Variants in GFPT2 observed in about 807,000 individuals in gnomAD.
GFPT2 encodes the protein glutamine--fructose-6-phosphate transaminase 2.
GFPT2 carries 62 observed loss-of-function variants against 85.6 expected under a neutral mutation model. That is an observed-to-expected ratio of 0.72 (90% confidence interval 0.59 to 0.90). GFPT2 has a LOEUF of 0.90. GFPT2 is among the 40% of genes least tolerant of loss of function. GFPT2 has a pLI of 0.00. For missense variants in GFPT2, 788 were observed against 893.4 expected, an observed-to-expected ratio of 0.88 and a Z score of 1.50; for synonymous variants, 368 against 344.5, an observed-to-expected ratio of 1.07 and a Z score of -0.75.
chr5:180,301,304 T>C lies in GFPT2; in HGVS notation c.*260A>G, dbSNP rs1432406896. On this transcript the variant is annotated 3_prime_UTR_variant, in exon 19 of 19. Transcript: ENST00000253778. The stretch of plus-strand genomic sequence containing the variant: ...ACTCTGAAGAGAGCTGTATCTCTAT[T>C]GCACAGTAGTGGAGAAGTCTGCTCT... The C allele has an allele frequency of 1.8e-6, 1 of 542,068 alleles. No homozygotes were observed. Among genetic ancestry groups the C allele is most frequent in the Admixed American group, 3.5e-5 (1 of 28,444 alleles). 33.6% of individuals were successfully genotyped at this position (542,068 alleles called of 1,614,324 possible). A position where few individuals can be genotyped will look rare whatever the true frequency, so the allele number is the denominator to read the frequency against.
intron 17 of GFPT2, among the ~76,000 whole-genome samples, chr5:180,303,522 A>AT (rs1361541155): frequency 6.6e-6 from 1 of 152,218 alleles, no homozygotes; most frequent in African/African-American, 2.4e-5. Context: ...AAAGGGCCAG[A>AT]TAACGCAGGA....
chr5:180,343,285 G>A (rs1470033318), intron 1 of GFPT2, among the ~76,000 whole-genome samples: 2 of 152,192 alleles, frequency 1.3e-5, no homozygotes, highest in Non-Finnish European at 1.5e-5. Flanking sequence ...CACGTCAGGC[G>A]AGAACGTTCG....
At position 180,353,274 on chromosome 5, in the gene GFPT2, G is replaced by A. The variant is rs1764753893; in HGVS notation, c.-57C>T. The A allele has an allele frequency of 1.6e-6, 2 of 1,231,716 alleles. No homozygotes were observed. Among genetic ancestry groups the A allele is most frequent in the African/African-American group, 1.6e-5 (1 of 64,010 alleles). 76.3% of individuals were successfully genotyped at this position (1,231,716 alleles called of 1,614,324 possible). A position where few individuals can be genotyped will look rare whatever the true frequency, so the allele number is the denominator to read the frequency against. ...GAGGGGGTCTGCCCGTTCGGACGCT[G>A]GGGCTCCTCCGTGGGCTCCTCCGTG... is the stretch of plus-strand genomic sequence containing the variant. On this transcript the variant is annotated 5_prime_UTR_variant, in exon 1 of 19. Coordinates refer to ENST00000253778, the MANE Select transcript of GFPT2 (RefSeq NM_005110.4).
rs994486228 is a variant in GFPT2 at position 180,332,324 on chromosome 5, C to T, written c.341-771G>A. ...CACTGCATTTTCTCAATGAATAGCCCGCATATGAGTGCCTTGAGGGAAAGA... is the reference window on the plus strand; with the variant it reads ...CACTGCATTTTCTCAATGAATAGCCTGCATATGAGTGCCTTGAGGGAAAGA... On this transcript the variant is annotated intron_variant, in intron 4 of 18. Coordinates refer to ENST00000253778, the MANE Select transcript of GFPT2 (RefSeq NM_005110.4). Among the ~76,000 whole-genome samples the T allele has an allele frequency of 5.9e-5, 9 of 152,218 alleles. No individual in the cohort carries two copies. In the East Asian group the frequency reaches 7.8e-4, roughly 13 times the overall value.
intron 3 of GFPT2, 59 bp from the exon 4 acceptor site, chr5:180,336,012 T>A: frequency 6.7e-7 from 1 of 1,494,044 alleles, no homozygotes; most frequent in Non-Finnish European, 8.9e-7. Context: ...CCCAGGACTG[T>A]GAGTGCAACC....
chr5:180,310,574 C>A (rs966305811), intron 15 of GFPT2, among the ~76,000 whole-genome samples: 4 of 151,886 alleles, frequency 2.6e-5, no homozygotes, highest in African/African-American at 9.7e-5. Flanking sequence ...CCACATCCAG[C>A]TGCTTTTTGT....
At position 180,353,317 on chromosome 5, in the gene GFPT2, G is replaced by A. The variant is rs1403968998; in HGVS notation, c.-100C>T. The A allele has an allele frequency of 2.2e-6, 2 of 893,030 alleles. No individual in the cohort carries two copies. The highest frequency in any genetic ancestry group is 1.2e-4 in the South Asian group (2 of 17,312). 55.3% of individuals were successfully genotyped at this position (893,030 alleles called of 1,614,324 possible). Reference sequence around the variant, plus strand: ...CCTCCGTGGGCTCCGTGGGCTCCGTGGGCTCCGCGGGCTCCAGCTCCCGTC... The same window carrying A: ...CCTCCGTGGGCTCCGTGGGCTCCGTAGGCTCCGCGGGCTCCAGCTCCCGTC... On this transcript the variant is annotated 5_prime_UTR_variant, in exon 1 of 19. Coordinates refer to ENST00000253778, the MANE Select transcript of GFPT2 (RefSeq NM_005110.4).
At chr5:180,315,966 C>T (rs1215190739) in intron 13 of GFPT2, among the ~76,000 whole-genome samples, 1 of 152,218 alleles carries the variant, frequency 6.6e-6, no homozygotes, top group Non-Finnish European at 1.5e-5. Context: ...TGACTCTCAA[C>T]CTAACAAAAT....
chr5:180,304,728 G>A, intron 17 of GFPT2, 44 bp downstream of exon 17: 2 of 1,559,050 alleles, frequency 1.3e-6, no homozygotes, highest in South Asian at 2.3e-5. Flanking sequence ...CATGCATGGG[G>A]AAAAGCAGGA....
intron 10 of GFPT2, among the ~76,000 whole-genome samples, chr5:180,317,566 C>T (rs112178315): frequency 0.14 from 20,559 of 145,744 alleles, 1,776 homozygotes; most frequent in East Asian, 0.23. Flanking sequence ...GAGACCATCC[C>T]GGCTAAAACA....
In GFPT2 at chr5:180,330,962, G is replaced by C; in HGVS notation, c.400-128C>G. On this transcript the variant is annotated intron_variant, in intron 5 of 18. Coordinates refer to ENST00000253778, the MANE Select transcript of GFPT2 (RefSeq NM_005110.4). This position sits in a 1 kb window ranked among gnomAD's most constrained non-coding sequence, Gnocchi z 4.4. ...GTCAAGAACAGGGAAAACCGGGAAGGGGGGAAAAATGTTTGCCAGCATCAC... is the reference window on the plus strand; with the variant it reads ...GTCAAGAACAGGGAAAACCGGGAAGCGGGGAAAAATGTTTGCCAGCATCAC... 3 of 827,964 alleles carry C rather than the reference G, an allele frequency of 3.6e-6. No homozygotes were observed. Among genetic ancestry groups the C allele is most frequent in the Admixed American group, 2.9e-5 (1 of 34,958 alleles). 51.3% of individuals were successfully genotyped at this position (827,964 alleles called of 1,614,324 possible). A position where few individuals can be genotyped will look rare whatever the true frequency, so the allele number is the denominator to read the frequency against.
chr5:180,332,409 G>A (rs1345024746), intron 4 of GFPT2, among the ~76,000 whole-genome samples: 5 of 152,202 alleles, frequency 3.3e-5, no homozygotes, highest in African/African-American at 1.2e-4. Context: ...TCCCCCTAGA[G>A]GACAGAAAGA....
In GFPT2 at chr5:180,304,907, T is replaced by A; in HGVS notation, c.1707A>T (p.Glu569Asp). Residue 569 changes from glutamate to aspartate, a missense_variant, in exon 17 of 19, where the codon GAA becomes GAT. Physicochemically the swap from Glu to Asp is conservative, Grantham distance 45 (BLOSUM62 2). Coordinates refer to ENST00000253778, the MANE Select transcript of GFPT2 (RefSeq NM_005110.4). ...GCTTCAGCTCCCCAGCCAGGATGCC[T>A]TCTGAGTGCATGTAGGTTATCTCTT... The part of the protein sequence containing the change: ...KIKEITYMHS[E>D]GILAGELKHG... 6.2e-7 allele frequency: 1 copy of A among 1,613,258 alleles called. No homozygotes were observed. Among genetic ancestry groups the A allele is most frequent in the Non-Finnish European group, 8.5e-7 (1 of 1,179,226 alleles).
intron 1 of GFPT2, among the ~76,000 whole-genome samples, chr5:180,340,875 C>T (rs921197570): frequency 6.6e-6 from 1 of 152,126 alleles, no homozygotes; most frequent in Non-Finnish European, 1.5e-5. Context: ...ATGACCTAAT[C>T]GCCTCCCCAA....
intron 1 of GFPT2, chr5:180,352,406 G>A (rs1764728322): frequency 2.2e-6 from 1 of 453,160 alleles, no homozygotes; most frequent in Non-Finnish European, 4.4e-6. Context: ...GCTCTCTCCC[G>A]GCCAGCGGAG....
chr5:180,316,638 G>A (rs1224482603), intron 12 of GFPT2, 126 bp downstream of exon 12: 3 of 897,328 alleles, frequency 3.3e-6, no homozygotes, highest in Admixed American at 2.4e-5. Context: ...CATTTCTCAC[G>A]CTAGCTCATG....
intron 9 of GFPT2, among the ~76,000 whole-genome samples, chr5:180,321,174 T>A (rs759507429): frequency 6.6e-6 from 1 of 151,576 alleles, no homozygotes; most frequent in Non-Finnish European, 1.5e-5. Flanking sequence ...AAATTTTGTA[T>A]AGAAATATAT....
intron 14 of GFPT2, among the ~76,000 whole-genome samples, 167 bp downstream of exon 14, chr5:180,313,640 C>T (rs75050499): frequency 0.35 from 52,622 of 151,394 alleles, 9,394 homozygotes; most frequent in East Asian, 0.56. Flanking sequence ...AATGAAGATA[C>T]GGGAATCCAA....
At chr5:180,329,218 C>T (rs560486490) in intron 6 of GFPT2, among the ~76,000 whole-genome samples, 4 of 152,306 alleles carry the variant, frequency 2.6e-5, no homozygotes, top group East Asian at 1.9e-4. Flanking sequence ...GGGTGGTCAG[C>T]GTGTCGGGTC....
Sources: gnomAD v4.1 joint callset for allele counts (sites outside exome capture counted in the v4.1 genomes callset) on GRCh38, gnomAD v4.1.1 for gene constraint, Gnocchi (gnomAD v3.1) non-coding constraint, MANE v1.5 for transcripts, NCBI Gene and HGNC (gene_info 2026-07-23, HGNC 2026-07-21) for gene names.